RELN: variants seen among roughly 807,000 people sequenced by gnomAD.
RELN encodes the protein reelin.
In RELN, 108 loss-of-function variants were observed where a neutral mutation model predicts 427.6. That is an observed-to-expected ratio of 0.25 (90% CI 0.22 to 0.30). The LOEUF (loss-of-function observed/expected upper bound fraction) is 0.30. Ranked by LOEUF, RELN falls within the 10% of genes least tolerant of loss-of-function variation. RELN has a pLI of 1.00. For synonymous variants in RELN, 1,524 were observed against 1,513.4 expected (o/e 1.01, Z -0.16); for missense variants, 3,715 against 4,302.8 (o/e 0.86, Z 3.82).
chr7:103,745,872 A>C (rs943500166), intron 6 of RELN, among the ~76,000 whole-genome samples: 10 of 152,176 alleles, frequency 6.6e-5, no homozygotes, highest in African/African-American at 1.4e-4. Flanking sequence ...ATGCCAACCC[A>C]ATGAAGCTAC....
chr7:103,653,112 A>G (rs1403212500), intron 13 of RELN, among the ~76,000 whole-genome samples: 4 of 152,066 alleles, frequency 2.6e-5, no homozygotes, highest in Admixed American at 2.0e-4. Context: ...TTTATACTTT[A>G]TCATCAGTCC....
intron 15 of RELN, 111 bp downstream of exon 15, chr7:103,651,550 G>T: frequency 9.9e-7 from 1 of 1,014,118 alleles, no homozygotes; most frequent in Non-Finnish European, 1.5e-6. Context: ...TTTTAAAGAG[G>T]TTAGGTTTCT....
At chr7:103,899,977 G>C (rs1229440294) in intron 2 of RELN, among the ~76,000 whole-genome samples, 8 of 152,102 alleles carry the variant, frequency 5.3e-5, no homozygotes, top group African/African-American at 1.9e-4. Flanking sequence ...GAAATAAAGG[G>C]TATTCAATTA....
At chr7:103,474,444 T>C (rs993763213) in intron 64 of RELN, among the ~76,000 whole-genome samples, 1 of 152,080 alleles carries the variant, frequency 6.6e-6, no homozygotes, top group Non-Finnish European at 1.5e-5. Context: ...AAATCAGGTT[T>C]TGTCTTTAGG....
Position 103,822,236 on chromosome 7 carries a change from CCTT to C in RELN, c.473+11298_473+11300del, listed in dbSNP as rs1247419893. On this transcript the variant is annotated intron_variant, in intron 3 of 64. Transcript: ENST00000428762. ...AATTAAAAAATATTGTTAATATTAA[CCTT>C]CTAAATTTTTTATTAGTCTAAATAG... Among the ~76,000 whole-genome samples the C allele has an allele frequency of 2.6e-5, 4 of 151,832 alleles. No homozygotes were observed. In the East Asian group the frequency reaches 7.7e-4, roughly 29 times the overall value.
Position 103,540,310 on chromosome 7 carries a change from C to T in RELN, c.6817G>A (p.Gly2273Ser). 6.2e-7 allele frequency: 1 copy of T among 1,614,146 alleles called. No individual in the cohort carries two copies. Among genetic ancestry groups the T allele is most frequent in the Non-Finnish European group, 8.5e-7 (1 of 1,180,014 alleles). ...EFLFSNSSNV[G>S]RYIALEIPLK... ...GGTATCTCCAGGGCAATGTACCTGCCCACATTGCTGGAATTGCTGAAAAGG... is the reference window on the plus strand; with the variant it reads ...GGTATCTCCAGGGCAATGTACCTGCTCACATTGCTGGAATTGCTGAAAAGG... Residue 2273 changes from glycine to serine, a missense_variant, in exon 44 of 65, where the codon GGC (glycine) becomes AGC (serine). Gly to Ser is a moderately conservative substitution (Grantham distance 56). Transcript: ENST00000428762.
chr7:103,599,139 C>T (rs1186586518), intron 24 of RELN, among the ~76,000 whole-genome samples: 3 of 152,198 alleles, frequency 2.0e-5, no homozygotes, highest in African/African-American at 7.2e-5. Flanking sequence ...TCACCTTTTG[C>T]TTTCCATTAA....
At chr7:103,726,066 T>C (rs1019222917) in intron 7 of RELN, among the ~76,000 whole-genome samples, 1 of 152,200 alleles carries the variant, frequency 6.6e-6, no homozygotes, top group Non-Finnish European at 1.5e-5. Context: ...ATAACTTTCA[T>C]TAGTTCTCAT....
At position 103,876,256 on chromosome 7, in the gene RELN, A is replaced by C. The variant is rs138323023; in HGVS notation, c.337+40819T>G. Among the ~76,000 whole-genome samples the C allele has an allele frequency of 5.3e-5, 8 of 152,276 alleles. No homozygotes were observed. In the East Asian group the frequency reaches 1.5e-3, roughly 29 times the overall value. On this transcript the variant is annotated intron_variant, in intron 2 of 64. Transcript: ENST00000428762. ...AGAATGTATCTTTTTTACCCCTGCAAATACATTAGCTTCATCCTCTAAATA... is the reference window on the plus strand; with the variant it reads ...AGAATGTATCTTTTTTACCCCTGCACATACATTAGCTTCATCCTCTAAATA...
chr7:103,646,812 A>G (rs1259788237), intron 16 of RELN, among the ~76,000 whole-genome samples: 2 of 152,040 alleles, frequency 1.3e-5, no homozygotes, highest in Non-Finnish European at 2.9e-5. Flanking sequence ...CAAGGACACA[A>G]CAAAAAAGGA....
intron 4 of RELN, among the ~76,000 whole-genome samples, chr7:103,771,164 G>A (rs191890057): frequency 1.3e-4 from 20 of 151,610 alleles, no homozygotes; most frequent in Non-Finnish European, 2.5e-4. Flanking sequence ...TGATCTGCCC[G>A]CCTCGGCCTC....
At chr7:103,774,089 A>C (rs1791675420) in intron 4 of RELN, among the ~76,000 whole-genome samples, 1 of 152,038 alleles carries the variant, frequency 6.6e-6, no homozygotes, top group African/African-American at 2.4e-5. Context: ...TGAGGTCAGG[A>C]GTTCAAGACT....
At chr7:103,614,272 T>C (rs1832031443) in intron 20 of RELN, among the ~76,000 whole-genome samples, 1 of 152,200 alleles carries the variant, frequency 6.6e-6, no homozygotes, top group South Asian at 2.1e-4. Context: ...CTATTGCAAA[T>C]GCTTTGGTGT....
chr7:103,960,268 T>G (rs965586263), intron 1 of RELN, among the ~76,000 whole-genome samples: 1 of 152,194 alleles, frequency 6.6e-6, no homozygotes, highest in African/African-American at 2.4e-5. Context: ...TGTCCATCCT[T>G]GCTGGGACCG....
intron 36 of RELN, among the ~76,000 whole-genome samples, chr7:103,560,819 A>G (rs1224927454): frequency 2.0e-5 from 3 of 152,204 alleles, no homozygotes; most frequent in Non-Finnish European, 4.4e-5. Context: ...GCATCTATTG[A>G]CTATAATTGA....
intron 64 of RELN, among the ~76,000 whole-genome samples, chr7:103,473,400 C>T (rs1405493917): frequency 1.3e-5 from 2 of 152,162 alleles, no homozygotes; most frequent in Non-Finnish European, 2.9e-5. Flanking sequence ...ATCAGCTTGA[C>T]ATTCCTAGTT....
At chr7:103,520,144 T>A (rs972742441) in intron 48 of RELN, among the ~76,000 whole-genome samples, 30 of 152,206 alleles carry the variant, frequency 2.0e-4, no homozygotes, top group Non-Finnish European at 3.8e-4. Flanking sequence ...CTGTTTTTTT[T>A]TCATAAGCAA....
intron 2 of RELN, among the ~76,000 whole-genome samples, chr7:103,834,974 A>G (rs548680659): frequency 6.6e-6 from 1 of 152,306 alleles, no homozygotes; most frequent in East Asian, 1.9e-4. Context: ...AACTGAAAAT[A>G]TATGCCTGAC....
intron 37 of RELN, 69 bp downstream of exon 37, chr7:103,557,896 A>C: frequency 1.3e-6 from 1 of 787,998 alleles, no homozygotes. Context: ...TAAATCCGTG[A>C]TTTCTTTGTG....
Sources: gnomAD v4.1 joint callset for allele counts (sites outside exome capture counted in the v4.1 genomes callset) on GRCh38, gnomAD v4.1.1 for gene constraint, MANE v1.5 for transcripts, NCBI Gene and HGNC (gene_info 2026-07-23, HGNC 2026-07-21) for gene names.